NKIRAS1: variants seen among roughly 807,000 people sequenced by gnomAD.
NKIRAS1 encodes the protein NF-kappa-B inhibitor-interacting Ras-like protein 1.
In NKIRAS1, 16 loss-of-function variants were observed where a neutral mutation model predicts 19.8. The observed-to-expected ratio is 0.81, with a 90% CI of 0.55 to 1.23. The LOEUF is 1.23. NKIRAS1 is among the 50% of genes most tolerant of loss of function. The pLI, the probability that NKIRAS1 is intolerant of heterozygous loss-of-function variation, is 0.00. For missense variants in NKIRAS1, 184 were observed against 220.0 expected, an observed-to-expected ratio of 0.84 and a Z score of 1.04; for synonymous variants, 88 against 79.0, an observed-to-expected ratio of 1.11 and a Z score of -0.61.
intron 4 of NKIRAS1, among the ~76,000 whole-genome samples, chr3:23,895,703 T>C (rs1262121522): frequency 2.6e-5 from 4 of 152,160 alleles, no homozygotes; most frequent in African/African-American, 7.2e-5. Flanking sequence ...CTCCGGCAAA[T>C]GTATTACATT....
At chr3:23,917,889 A>G, upstream of NKIRAS1, 2 of 1,611,646 alleles carry the variant, frequency 1.2e-6, no homozygotes, top group Non-Finnish European at 8.5e-7. Context: ...TCCAGGAGCT[A>G]TGGAGAAAGA....
intron 1 of NKIRAS1, among the ~76,000 whole-genome samples, chr3:23,931,589 TTATC>T (rs1705316328): frequency 6.6e-6 from 1 of 152,198 alleles, no homozygotes; most frequent in Admixed American, 6.5e-5. Flanking sequence ...TACTTATTGT[TTATC>T]TAGCCACCTT....
intron 1 of NKIRAS1, among the ~76,000 whole-genome samples, chr3:23,940,333 C>T (rs1182150923): frequency 7.1e-6 from 1 of 140,468 alleles, no homozygotes; most frequent in Non-Finnish European, 1.6e-5. Context: ...GGCGACAAAG[C>T]CAGACCTGTT....
At position 23,900,956 on chromosome 3, in the gene NKIRAS1, C is replaced by G; in HGVS notation, c.188G>C (p.Arg63Thr). ...CAGCTCCACGCCTTCCTGTAGACCT[C>G]TGGTGTCATAAAGATGTAACTGTTC... Reference protein sequence around the residue: ...VKEQLHLYDTRGLQEGVELPK... With the variant: ...VKEQLHLYDTTGLQEGVELPK... The change falls in exon 4 of 5, where the codon AGA (arginine) becomes ACA (threonine). Residue 63 changes from arginine (R) to threonine (T), a missense_variant. Physicochemically the swap from Arg to Thr is moderately conservative, Grantham distance 71. Transcript: ENST00000425478. The G allele has an allele frequency of 1.9e-6, 3 of 1,614,184 alleles. No individual in the cohort carries two copies. Among genetic ancestry groups the G allele is most frequent in the Non-Finnish European group, 1.7e-6 (2 of 1,180,014 alleles).
At chr3:23,920,464 G>C, upstream of NKIRAS1, 1 of 985,358 alleles carries the variant, frequency 1.0e-6, no homozygotes. Flanking sequence ...CCACAAAGTT[G>C]GACCATCACT....
chr3:23,912,189 G>C (rs1041343440), intron 1 of NKIRAS1, among the ~76,000 whole-genome samples: 1 of 152,010 alleles, frequency 6.6e-6, no homozygotes, highest in South Asian at 2.1e-4. Context: ...CAAAATAGAC[G>C]AATGGGATCT....
chr3:23,920,805 G>A (rs1705037450), upstream of NKIRAS1: 1 of 954,276 alleles, frequency 1.0e-6, no homozygotes, highest in Non-Finnish European at 1.2e-6. Flanking sequence ...TTGTGTAGAG[G>A]TTGTTCAACT....
intron 1 of NKIRAS1, among the ~76,000 whole-genome samples, chr3:23,912,856 T>C (rs572121893): frequency 1.1e-4 from 17 of 152,078 alleles, no homozygotes; most frequent in Admixed American, 5.9e-4. Context: ...CGGTGGCTCA[T>C]GCCTGTAATC....
chr3:23,912,557 A>C (rs989674599), intron 1 of NKIRAS1, among the ~76,000 whole-genome samples: 2 of 152,180 alleles, frequency 1.3e-5, no homozygotes, highest in African/African-American at 4.8e-5. Context: ...GCTGGAGAGG[A>C]TGTGGAGAAA....
rs535208116 is a variant in NKIRAS1 at position 23,911,765 on chromosome 3, CT to C, written c.-139-316del. On this transcript the variant is annotated intron_variant, in intron 1 of 4. Transcript: ENST00000425478. ...AACTGGATTTTGGTAGTCACGTGGG[CT>C]TTTTTTTTTTTTTTGAGACAGGGTC... 3.5e-3 allele frequency among the ~76,000 whole-genome samples: 488 copies of C among 138,002 alleles called. 3 individuals are homozygous for C. Among genetic ancestry groups the C allele is most frequent in the Admixed American group, 9.5e-3 (131 of 13,844 alleles). The allele number at this position is 138,002 out of a possible 152,430, so 90.5% of individuals were successfully genotyped here. A position where few individuals can be genotyped will look rare whatever the true frequency, so the allele number is the denominator to read the frequency against.
At chr3:23,902,496 T>G (rs1218547894) in intron 3 of NKIRAS1, among the ~76,000 whole-genome samples, 2 of 152,202 alleles carry the variant, frequency 1.3e-5, no homozygotes, top group Admixed American at 1.3e-4. Context: ...GGTTATCTAT[T>G]AAGACACAAA....
At chr3:23,913,852 T>TGTA (rs1485464246) in intron 1 of NKIRAS1, among the ~76,000 whole-genome samples, 3 of 152,326 alleles carry the variant, frequency 2.0e-5, no homozygotes, top group Admixed American at 6.5e-5. Flanking sequence ...TGAAAGGCTC[T>TGTA]GTAGTACATG....
intron 1 of NKIRAS1, among the ~76,000 whole-genome samples, chr3:23,940,068 C>T (rs1176965015): frequency 6.7e-6 from 1 of 148,434 alleles, no homozygotes; most frequent in African/African-American, 2.5e-5. Flanking sequence ...CGTAGGCTCA[C>T]ACCTGTAATC....
intron 4 of NKIRAS1, among the ~76,000 whole-genome samples, chr3:23,894,075 G>A (rs1268441707): frequency 6.6e-6 from 1 of 152,148 alleles, no homozygotes; most frequent in African/African-American, 2.4e-5. Flanking sequence ...CTAAAAAGGT[G>A]ACTGCTAAGT....
intron 3 of NKIRAS1, among the ~76,000 whole-genome samples, chr3:23,905,190 T>A (rs567628393): frequency 6.6e-6 from 1 of 152,260 alleles, no homozygotes; most frequent in African/African-American, 2.4e-5. Context: ...ATTTAATTCA[T>A]AGAAAATCCA....
At chr3:23,940,006 A>G (rs1056661310) in intron 1 of NKIRAS1, among the ~76,000 whole-genome samples, 2 of 151,976 alleles carry the variant, frequency 1.3e-5, no homozygotes, top group African/African-American at 4.8e-5. Flanking sequence ...GAAATTTTGG[A>G]TTTTATTTCA....
intron 3 of NKIRAS1, among the ~76,000 whole-genome samples, chr3:23,901,652 G>T (rs919122740): frequency 4.6e-5 from 7 of 152,166 alleles, no homozygotes; most frequent in African/African-American, 1.7e-4. Context: ...TGTGTACACA[G>T]CAAATATTCA....
At chr3:23,910,342 G>C (rs79789993) in intron 3 of NKIRAS1, among the ~76,000 whole-genome samples, 1 of 150,158 alleles carries the variant, frequency 6.7e-6, no homozygotes, top group East Asian at 2.0e-4. Flanking sequence ...TTTTAGTAGA[G>C]ACAGGTTTCA....
upstream of NKIRAS1, chr3:23,917,753 G>A (rs1704727117): frequency 8.1e-7 from 1 of 1,236,828 alleles, no homozygotes; most frequent in Non-Finnish European, 1.1e-6. Context: ...CATTCCCGGC[G>A]GTTTCCTTGT....
Sources: allele counts gnomAD v4.1 joint callset (sites outside exome capture counted in the v4.1 genomes callset), GRCh38; gene constraint gnomAD v4.1.1; transcripts MANE v1.5; gene names NCBI Gene and HGNC (gene_info 2026-07-23, HGNC 2026-07-21).